The following GPC5 variants were observed in gnomAD, a reference collection of about 807,000 sequenced individuals.
GPC5 encodes the protein glypican-5.
In GPC5, 47 loss-of-function variants were observed where a neutral mutation model predicts 53.9. That is an observed-to-expected ratio of 0.87 (90% CI 0.69 to 1.11). GPC5 has a LOEUF of 1.11. Ranked by LOEUF, GPC5 falls within the 50% of genes most tolerant of loss-of-function variation. The probability of loss-of-function intolerance (pLI) is 0.00; values close to 1 mark genes in which losing one functional copy is unlikely to be tolerated. For missense variants in GPC5, 748 were observed against 713.1 expected (o/e 1.05, Z -0.56); for synonymous variants, 286 against 263.3 (o/e 1.09, Z -0.84).
rs78719596 is a variant in GPC5, at chr13:92,140,076, G to A, written c.1402-4754G>A. On this transcript the variant is annotated intron_variant, in intron 6 of 7. Transcript: ENST00000377067. ...AGAGTTAAAATTATCACAGAAATAT[G>A]TGCGGGATGGAAAAAGAGGTATTTG... Among the ~76,000 whole-genome samples the A allele has an allele frequency of 2.2e-4, 34 of 152,212 alleles. No individual in the cohort carries two copies. In the East Asian group the frequency reaches 5.2e-3, roughly 23 times the overall value.
chr13:91,991,784 A>G (rs1346489503), intron 6 of GPC5, among the ~76,000 whole-genome samples: 1 of 152,188 alleles, frequency 6.6e-6, no homozygotes, highest in South Asian at 2.1e-4. Flanking sequence ...TTTTGTCTTC[A>G]TGCTCTGTGA....
At chr13:92,510,677 G>A (rs1479313517) in intron 7 of GPC5, among the ~76,000 whole-genome samples, 1 of 152,138 alleles carries the variant, frequency 6.6e-6, no homozygotes, top group Non-Finnish European at 1.5e-5. Context: ...CCACCTCTGG[G>A]TTACTTTAGA....
intron 7 of GPC5, among the ~76,000 whole-genome samples, chr13:92,662,937 G>A (rs1183579368): frequency 2.0e-5 from 3 of 151,956 alleles, no homozygotes; most frequent in African/African-American, 7.3e-5. Context: ...TTATTTTCAC[G>A]TGAATTTTTC....
intron 4 of GPC5, among the ~76,000 whole-genome samples, chr13:91,737,645 G>C (rs1289579866): frequency 6.6e-6 from 1 of 151,362 alleles, no homozygotes; most frequent in Non-Finnish European, 1.5e-5. Flanking sequence ...TATTGTCATA[G>C]TTTATACTTT....
At chr13:91,859,190 T>C (rs1352198654) in intron 5 of GPC5, among the ~76,000 whole-genome samples, 1 of 151,942 alleles carries the variant, frequency 6.6e-6, no homozygotes, top group Non-Finnish European at 1.5e-5. Context: ...ATACTTATTT[T>C]GCATCTGGTT....
In GPC5 at chr13:92,249,094, G is replaced by A. The variant is rs151265062; in HGVS notation, c.1561+104105G>A. 1.6e-3 allele frequency among the ~76,000 whole-genome samples: 242 copies of A among 152,056 alleles called. 1 individual carries two copies. The highest frequency in any genetic ancestry group is 5.6e-3 in the African/African-American group (233 of 41,482). On this transcript the variant is annotated intron_variant, in intron 7 of 7. Coordinates refer to ENST00000377067, the MANE Select transcript of GPC5 (RefSeq NM_004466.6). ...GGGGTACATGAGATATTTTGATACA[G>A]GCATATGATATGTAATAATCACTTC...
At chr13:91,752,730 G>A (rs958293339) in intron 4 of GPC5, among the ~76,000 whole-genome samples, 1 of 152,134 alleles carries the variant, frequency 6.6e-6, no homozygotes, top group African/African-American at 2.4e-5. Flanking sequence ...ACCTGTATGG[G>A]TGGTGGGTCT....
At chr13:91,698,846 T>A (rs1016008944) in intron 3 of GPC5, among the ~76,000 whole-genome samples, 4 of 152,166 alleles carry the variant, frequency 2.6e-5, no homozygotes, top group Non-Finnish European at 5.9e-5. Flanking sequence ...GCAGAGTGCA[T>A]CACCTTCTCG....
chr13:92,075,796 T>C (rs2041247216), intron 6 of GPC5, among the ~76,000 whole-genome samples: 1 of 152,174 alleles, frequency 6.6e-6, no homozygotes, highest in South Asian at 2.1e-4. Context: ...CAGTAGATAA[T>C]ATATGTATCA....
At chr13:91,488,627 C>A (rs1011206596) in intron 2 of GPC5, among the ~76,000 whole-genome samples, 1 of 152,188 alleles carries the variant, frequency 6.6e-6, no homozygotes, top group African/African-American at 2.4e-5. Context: ...ATTTTCTATG[C>A]CTGTCTTTAC....
intron 2 of GPC5, among the ~76,000 whole-genome samples, chr13:91,572,154 T>G (rs2031921881): frequency 7.3e-6 from 1 of 137,346 alleles, no homozygotes; most frequent in African/African-American, 2.8e-5. Flanking sequence ...TATATACGTG[T>G]GTATACACAC....
intron 7 of GPC5, among the ~76,000 whole-genome samples, chr13:92,683,844 C>T (rs1156925287): frequency 6.6e-6 from 1 of 152,160 alleles, no homozygotes; most frequent in African/African-American, 2.4e-5. Flanking sequence ...CTATTTTTAA[C>T]ATCTCGTGGT....
In GPC5 at chr13:92,058,094, T is replaced by A. The variant is rs181459633; in HGVS notation, c.1402-86736T>A. On this transcript the variant is annotated intron_variant, in intron 6 of 7. Transcript: ENST00000377067. The stretch of plus-strand genomic sequence containing the variant: ...CCAGAGACACATGAAGAAGATTGAA[T>A]CTCAGTTGAGTCCTCTGGGATGATT... Among the ~76,000 whole-genome samples, 322 of 152,340 alleles carry A rather than the reference T, an allele frequency of 2.1e-3. 2 individuals carry two copies. Among genetic ancestry groups the A allele is most frequent in the African/African-American group, 7.3e-3 (304 of 41,578 alleles).
intron 7 of GPC5, among the ~76,000 whole-genome samples, chr13:92,368,122 T>C (rs1019779723): frequency 2.0e-5 from 3 of 151,964 alleles, no homozygotes; most frequent in Non-Finnish European, 4.4e-5. Flanking sequence ...GTAGCTGAGA[T>C]TACAAGTGCC....
chr13:91,977,956 AAAGAAAGAAAGAAAG>A (rs1566375001), intron 6 of GPC5, among the ~76,000 whole-genome samples: 10 of 137,440 alleles, frequency 7.3e-5, no homozygotes, highest in African/African-American at 2.9e-4. Flanking sequence ...CTAAAAGAAA[AAAGAAAGAAAGAAAG>A]AAAGAAAGAA....
intron 7 of GPC5, among the ~76,000 whole-genome samples, chr13:92,651,892 A>G (rs2139167297): frequency 1.3e-5 from 2 of 152,300 alleles, no homozygotes; most frequent in Admixed American, 6.5e-5. Context: ...TAAACTAATA[A>G]GAATATAATT....
At chr13:92,267,165 T>A (rs1483097813) in intron 7 of GPC5, among the ~76,000 whole-genome samples, 3 of 152,234 alleles carry the variant, frequency 2.0e-5, no homozygotes, top group East Asian at 1.9e-4. Flanking sequence ...AAACAACTAA[T>A]CAAACATACG....
intron 6 of GPC5, among the ~76,000 whole-genome samples, chr13:91,993,781 A>G (rs112442563): frequency 0.027 from 3,962 of 147,958 alleles, 176 homozygotes; most frequent in African/African-American, 0.1. Flanking sequence ...GTCTTCATTC[A>G]TGTTATTTCA....
chr13:92,678,113 C>A (rs1407336528), intron 7 of GPC5, among the ~76,000 whole-genome samples: 1 of 152,040 alleles, frequency 6.6e-6, no homozygotes, highest in African/African-American at 2.4e-5. Context: ...ACATATAATT[C>A]TTTTATTCAA....
Sources: gnomAD v4.1 joint callset for allele counts (sites outside exome capture counted in the v4.1 genomes callset) on GRCh38, gnomAD v4.1.1 for gene constraint, MANE v1.5 for transcripts, NCBI Gene and HGNC (gene_info 2026-07-23, HGNC 2026-07-21) for gene names.